The following DLGAP1 variants were observed in gnomAD, a reference collection of about 807,000 sequenced individuals.
The protein encoded by DLGAP1 is DLG associated protein 1, also known as disks large-associated protein 1.
In DLGAP1, 11 loss-of-function variants were observed where a neutral mutation model predicts 90.8. The observed-to-expected ratio is 0.12, with a 90% CI of 0.08 to 0.20. DLGAP1 has a LOEUF of 0.20. DLGAP1 is among the 10% of genes least tolerant of loss of function. The pLI is 1.00. For synonymous variants in DLGAP1, 558 were observed against 540.7 expected (o/e 1.03, Z -0.44); for missense variants, 1,050 against 1,333.8 (o/e 0.79, Z 3.31).
intron 2 of DLGAP1, among the ~76,000 whole-genome samples, chr18:4,123,525 T>G (rs1269267956): frequency 6.6e-6 from 1 of 152,176 alleles, no homozygotes; most frequent in Non-Finnish European, 1.5e-5. Flanking sequence ...AAAGTGACCA[T>G]CTTAAGTAAT....
chr18:4,310,894 TTC>T (rs1306569020), intron 1 of DLGAP1, among the ~76,000 whole-genome samples: 1 of 152,188 alleles, frequency 6.6e-6, no homozygotes, highest in Non-Finnish European at 1.5e-5. Context: ...ATCTTAGCAA[TTC>T]TCTGATTGTT....
chr18:3,789,599 C>T (rs1408459612), intron 5 of DLGAP1, among the ~76,000 whole-genome samples: 8 of 152,138 alleles, frequency 5.3e-5, no homozygotes, highest in Admixed American at 5.2e-4. Flanking sequence ...CCCCAAAAGA[C>T]ACTGAGAAAA....
At position 3,653,243 on chromosome 18, in the gene DLGAP1, C is replaced by T. The variant is rs1025685851; in HGVS notation, c.1592-70995G>A. Among the ~76,000 whole-genome samples, 3 of 152,092 alleles carry T rather than the reference C, an allele frequency of 2.0e-5. No individual in the cohort carries two copies. Among genetic ancestry groups the T allele is most frequent in the Non-Finnish European group, 2.9e-5 (2 of 68,022 alleles). ...GGTTTTTCCTTCCCTGCCATTGGTG[C>T]GACTGTTTCCCCCTTCCGTCAAATT... On this transcript the variant is annotated intron_variant, in intron 7 of 12. Transcript: ENST00000315677. The surrounding 1 kb of genome is among the most constrained non-coding windows in gnomAD (Gnocchi z 4.6).
chr18:3,569,414 T>C (rs1002863891), intron 8 of DLGAP1, among the ~76,000 whole-genome samples: 17 of 152,026 alleles, frequency 1.1e-4, no homozygotes, highest in African/African-American at 4.1e-4. Context: ...GATCTCTTTA[T>C]ATTTTATGAA....
chr18:3,667,832 G>C (rs1472583829), intron 7 of DLGAP1, among the ~76,000 whole-genome samples: 1 of 152,128 alleles, frequency 6.6e-6, no homozygotes, highest in South Asian at 2.1e-4. Context: ...CTTGGCCCAG[G>C]TTCCTCTAGA....
intron 5 of DLGAP1, among the ~76,000 whole-genome samples, chr18:3,756,854 A>G (rs1170359836): frequency 6.6e-6 from 1 of 152,140 alleles, no homozygotes; most frequent in Non-Finnish European, 1.5e-5. Flanking sequence ...AAAATTCTAA[A>G]AAAACCCCCA....
At chr18:3,722,078 T>A (rs913534516) in intron 7 of DLGAP1, 1 of 152,234 alleles carries the variant, frequency 6.6e-6, no homozygotes, top group Non-Finnish European at 1.5e-5. Context: ...TCCTTGTGAA[T>A]GATCTCATGT....
At chr18:4,017,950 A>T (rs2074549569) in intron 2 of DLGAP1, among the ~76,000 whole-genome samples, 1 of 152,182 alleles carries the variant, frequency 6.6e-6, no homozygotes, top group Non-Finnish European at 1.5e-5. Context: ...TTTTCAAAAG[A>T]TACTAGCAGA....
At chr18:4,141,760 T>C (rs972875843) in intron 2 of DLGAP1, among the ~76,000 whole-genome samples, 2 of 151,942 alleles carry the variant, frequency 1.3e-5, no homozygotes, top group African/African-American at 4.8e-5. Context: ...GAGACTCTGA[T>C]GCATTCTTCA....
chr18:4,100,822 CTGA>C (rs2075767917), intron 2 of DLGAP1, among the ~76,000 whole-genome samples: 1 of 152,188 alleles, frequency 6.6e-6, no homozygotes, highest in Admixed American at 6.5e-5. Context: ...TTCCTTAAAC[CTGA>C]TGAACCAGCC....
intron 5 of DLGAP1, among the ~76,000 whole-genome samples, chr18:3,773,967 T>C (rs939804937): frequency 6.6e-6 from 1 of 152,214 alleles, no homozygotes; most frequent in African/African-American, 2.4e-5. Flanking sequence ...CTTCTTTGCC[T>C]TGTCTTCTAC....
intron 3 of DLGAP1, among the ~76,000 whole-genome samples, chr18:3,941,876 C>T (rs571327479): frequency 2.6e-4 from 39 of 152,164 alleles, no homozygotes; most frequent in Admixed American, 2.2e-3. Flanking sequence ...GCATGCCTGG[C>T]TAATTTTTTA....
chr18:3,871,023 C>T (rs776949021), intron 4 of DLGAP1, among the ~76,000 whole-genome samples: 6 of 152,166 alleles, frequency 3.9e-5, no homozygotes, highest in Non-Finnish European at 5.9e-5. Context: ...CAGATAATGT[C>T]GCTTCTCCCT....
chr18:3,909,950 A>G (rs572000245), intron 3 of DLGAP1, among the ~76,000 whole-genome samples: 1 of 152,190 alleles, frequency 6.6e-6, no homozygotes, highest in Admixed American at 6.6e-5. Context: ...CAGGAATCAC[A>G]CAGAAAAAAC....
chr18:4,169,818 A>G (rs2144575757), intron 1 of DLGAP1, among the ~76,000 whole-genome samples: 1 of 152,314 alleles, frequency 6.6e-6, no homozygotes, highest in African/African-American at 2.4e-5. Context: ...TAGTGACTTA[A>G]CCCTTTATAA....
chr18:3,976,191 C>CAATAATAATAATAATAAT lies in DLGAP1; in HGVS notation c.-73+28907_-73+28924dup, dbSNP rs71160926. On this transcript the variant is annotated intron_variant, in intron 3 of 12. Coordinates refer to ENST00000315677, the MANE Select transcript of DLGAP1 (RefSeq NM_004746.4). ...GAGAAACCCGTCTCTACTAAAAATA[C>CAATAATAATAATAATAAT]AATAATAATAATAATAATAATAATA... Among the ~76,000 whole-genome samples the CAATAATAATAATAATAAT allele has an allele frequency of 4.3e-3, 565 of 132,792 alleles. 2 individuals are homozygous for CAATAATAATAATAATAAT. Among genetic ancestry groups the CAATAATAATAATAATAAT allele is most frequent in the African/African-American group, 0.016 (493 of 30,574 alleles). The allele number at this position is 132,792 out of a possible 152,430, so 87.1% of individuals were successfully genotyped here.
At chr18:3,641,451 C>A (rs1371212953) in intron 7 of DLGAP1, among the ~76,000 whole-genome samples, 1 of 149,632 alleles carries the variant, frequency 6.7e-6, no homozygotes, top group Non-Finnish European at 1.5e-5. Flanking sequence ...GCAGGAGAAT[C>A]GCTTGAACCC....
rs145600651 is a variant in DLGAP1 at position 3,520,402 on chromosome 18, C to A, written c.2480-11741G>T. Among the ~76,000 whole-genome samples the A allele has an allele frequency of 1.9e-3, 288 of 152,318 alleles. 1 individual carries two copies. Among genetic ancestry groups the A allele is most frequent in the African/African-American group, 6.5e-3 (272 of 41,570 alleles). On this transcript the variant is annotated intron_variant, in intron 10 of 12. Coordinates refer to ENST00000315677, the MANE Select transcript of DLGAP1 (RefSeq NM_004746.4). ...CCAGCTAACATAAAATTCCTCTTCT[C>A]CCCCTGTTATTCGCTGAATTGCATT... is the stretch of plus-strand genomic sequence containing the variant.
At chr18:3,981,382 C>A (rs368193443) in intron 3 of DLGAP1, among the ~76,000 whole-genome samples, 1 of 152,382 alleles carries the variant, frequency 6.6e-6, no homozygotes, top group South Asian at 2.1e-4. Flanking sequence ...AGGCTTCCGT[C>A]CTCATCCCGA....
Sources: gnomAD v4.1 joint callset for allele counts (sites outside exome capture counted in the v4.1 genomes callset) on GRCh38, gnomAD v4.1.1 for gene constraint, Gnocchi (gnomAD v3.1) non-coding constraint, MANE v1.5 for transcripts, NCBI Gene and HGNC (gene_info 2026-07-23, HGNC 2026-07-21) for gene names.